XRCC2: variants seen among roughly 807,000 people sequenced by gnomAD.
XRCC2 encodes X-ray repair cross complementing 2, also known as DNA repair protein XRCC2.
Under a neutral mutation model 27.3 loss-of-function variants are expected in XRCC2, and 24 were observed. The observed-to-expected ratio is 0.88, with a 90% confidence interval of 0.64 to 1.24. XRCC2 has a LOEUF of 1.24. XRCC2 is among the 50% of genes most tolerant of loss of function. The pLI, the probability that XRCC2 is intolerant of heterozygous loss-of-function variation, is 0.00. For missense variants in XRCC2, 321 were observed against 325.8 expected, an observed-to-expected ratio of 0.99 and a Z score of 0.11; for synonymous variants, 106 against 115.4, an observed-to-expected ratio of 0.92 and a Z score of 0.52.
rs1563035233 is a variant in XRCC2 at position 152,674,704 on chromosome 7, T to TAA, written c.39+1336_39+1337insTT. Among the ~76,000 whole-genome samples, 81 of 93,468 alleles carry TAA rather than the reference T, an allele frequency of 8.7e-4. 8 individuals are homozygous for TAA. Among genetic ancestry groups the TAA allele is most frequent in the African/African-American group, 3.7e-3 (72 of 19,202 alleles). The allele number at this position is 93,468 out of a possible 152,430, so 61.3% of individuals were successfully genotyped here. On this transcript the variant is annotated intron_variant, in intron 1 of 2. Coordinates refer to ENST00000359321, the MANE Select transcript of XRCC2 (RefSeq NM_005431.2). Reference sequence around the variant, plus strand: ...TTATAAATATATTTTTAAATATATATTTATATAATATATTTTTAAATATAT... The same window carrying TAA: ...TTATAAATATATTTTTAAATATATATAATTATATAATATATTTTTAAATATAT...
Position 152,648,441 on chromosome 7 carries a change from C to A in XRCC2, c.*201G>T. 1 of 421,806 alleles carries A rather than the reference C, an allele frequency of 2.4e-6. No homozygotes were observed. The highest frequency in any genetic ancestry group is 8.5e-5 in the South Asian group (1 of 11,714). 26.1% of individuals were successfully genotyped at this position (421,806 alleles called of 1,614,324 possible). ...AAAAAAAAAAAAAGAAAACTTTTGG[C>A]CACGAGCAGTGGCTCACGCCTGTAA... On this transcript the variant is annotated 3_prime_UTR_variant, in exon 3 of 3. Transcript: ENST00000359321.
intron 1 of XRCC2, among the ~76,000 whole-genome samples, chr7:152,666,242 C>T (rs1381146141): frequency 2.0e-5 from 3 of 152,010 alleles, no homozygotes; most frequent in African/African-American, 4.8e-5. Context: ...CAGGGTCTTG[C>T]TTTGTCACCC....
At chr7:152,673,391 C>G (rs1210009627) in intron 1 of XRCC2, among the ~76,000 whole-genome samples, 6 of 152,018 alleles carry the variant, frequency 3.9e-5, no homozygotes, top group Admixed American at 3.9e-4. Context: ...TCTCTAACTC[C>G]TGACCTCAGG....
rs377318242 is a variant in XRCC2, at chr7:152,660,298, AT to A, written c.121+402del. On this transcript the variant is annotated intron_variant, in intron 2 of 2. Coordinates refer to ENST00000359321, the MANE Select transcript of XRCC2 (RefSeq NM_005431.2). ...AATTTTATCTCTATGAAGCCGCCAC[AT>A]TAAAAGAAAAAAAATCAACCTAAGC... Among the ~76,000 whole-genome samples the A allele has an allele frequency of 3.9e-3, 599 of 152,276 alleles. 5 individuals are homozygous for A. Among genetic ancestry groups the A allele is most frequent in the African/African-American group, 0.012 (482 of 41,558 alleles).
chr7:152,658,430 G>A (rs2098031675), intron 2 of XRCC2, among the ~76,000 whole-genome samples: 1 of 152,298 alleles, frequency 6.6e-6, no homozygotes, highest in East Asian at 1.9e-4. Flanking sequence ...GGGATTACAG[G>A]TGTGAGCCAC....
At chr7:152,664,318 G>C (rs1436013622) in intron 1 of XRCC2, among the ~76,000 whole-genome samples, 1 of 152,170 alleles carries the variant, frequency 6.6e-6, no homozygotes, top group Non-Finnish European at 1.5e-5. Flanking sequence ...GTGTCAACTA[G>C]ATTAAGTTAA....
At chr7:152,674,698 T>TATATTATATAAAA (rs1554413308) in intron 1 of XRCC2, among the ~76,000 whole-genome samples, 3 of 69,772 alleles carry the variant, frequency 4.3e-5, no homozygotes, top group Non-Finnish European at 7.2e-5. Flanking sequence ...TATTTTTAAA[T>TATATTATATAAAA]ATATATTTAT....
intron 1 of XRCC2, among the ~76,000 whole-genome samples, chr7:152,669,305 G>C (rs1208526703): frequency 6.6e-6 from 1 of 152,178 alleles, no homozygotes. Flanking sequence ...CATTCCTTTA[G>C]TTGAAACTTG....
At chr7:152,671,047 T>C (rs2098037967) in intron 1 of XRCC2, among the ~76,000 whole-genome samples, 1 of 152,028 alleles carries the variant, frequency 6.6e-6, no homozygotes, top group Non-Finnish European at 1.5e-5. Context: ...AAACCCCATC[T>C]CTACTAAAAA....
intron 2 of XRCC2, among the ~76,000 whole-genome samples, chr7:152,652,487 C>T (rs3218519): frequency 0.013 from 2,019 of 152,286 alleles, 43 homozygotes; most frequent in African/African-American, 0.046. Context: ...CACAGCTACT[C>T]ACCTTTCTAG....
intron 1 of XRCC2, among the ~76,000 whole-genome samples, chr7:152,663,189 G>T (rs919581460): frequency 1.6e-4 from 25 of 151,854 alleles, no homozygotes; most frequent in Non-Finnish European, 2.9e-4. Flanking sequence ...GATGTTATTT[G>T]CCTAGTTTGA....
At chr7:152,659,748 G>A (rs1208767979) in intron 2 of XRCC2, among the ~76,000 whole-genome samples, 1 of 151,552 alleles carries the variant, frequency 6.6e-6, no homozygotes, top group Admixed American at 6.6e-5. Context: ...TTTCTCAAAA[G>A]GTTAAATGTA....
At chr7:152,668,547 G>A (rs2098036884) in intron 1 of XRCC2, among the ~76,000 whole-genome samples, 1 of 140,404 alleles carries the variant, frequency 7.1e-6, no homozygotes, top group South Asian at 2.4e-4. Context: ...AGGGTAAAGG[G>A]AACCCAAGTA....
Position 152,660,717 on chromosome 7 carries a change from T to C in XRCC2, c.105A>G (p.Glu35=). Residue 35 remains glutamate (E), a synonymous_variant, in exon 2 of 3, where the codon GAA becomes GAG. Coordinates refer to ENST00000359321, the MANE Select transcript of XRCC2 (RefSeq NM_005431.2). The part of the protein sequence containing the change: ...KEIEPNLFAD[E]DSPVHGDILE... Reference sequence around the variant, plus strand: ...ATTTTTTACCATGCACAGGTGAATCTTCATCAGCAAACAGATTTGGTTCTA... The same window carrying C: ...ATTTTTTACCATGCACAGGTGAATCCTCATCAGCAAACAGATTTGGTTCTA... 6.2e-7 allele frequency: 1 copy of C among 1,613,332 alleles called. No individual in the cohort carries two copies. Among genetic ancestry groups the C allele is most frequent in the African/African-American group, 1.3e-5 (1 of 75,038 alleles).
intron 1 of XRCC2, among the ~76,000 whole-genome samples, chr7:152,673,440 C>T (rs1416986624): frequency 3.9e-5 from 6 of 152,108 alleles, no homozygotes; most frequent in African/African-American, 1.2e-4. Context: ...GTTGGGATTA[C>T]GGGCATGAGC....
intron 2 of XRCC2, among the ~76,000 whole-genome samples, chr7:152,652,148 G>C (rs538139662): frequency 5.1e-4 from 77 of 150,094 alleles, no homozygotes; most frequent in Non-Finnish European, 9.3e-4. Flanking sequence ...AGACAACAGA[G>C]GGAGACCCTG....
chr7:152,665,831 T>C (rs2098035385), intron 1 of XRCC2, among the ~76,000 whole-genome samples: 1 of 152,140 alleles, frequency 6.6e-6, no homozygotes, highest in Non-Finnish European at 1.5e-5. Flanking sequence ...TTAGGAAAAC[T>C]ACTACTTGTC....
At chr7:152,657,150 C>G (rs769722233) in intron 2 of XRCC2, among the ~76,000 whole-genome samples, 68 of 150,150 alleles carry the variant, frequency 4.5e-4, no homozygotes, top group Non-Finnish European at 8.4e-4. Context: ...GCAGGAGAAT[C>G]ACTTGAACCC....
intron 1 of XRCC2, among the ~76,000 whole-genome samples, chr7:152,665,676 CTCA>C (rs2098035324): frequency 6.6e-6 from 1 of 151,726 alleles, no homozygotes; most frequent in Non-Finnish European, 1.5e-5. Flanking sequence ...GAGACAGGGT[CTCA>C]CTATGTTGCC....
Sources: allele counts gnomAD v4.1 joint callset (sites outside exome capture counted in the v4.1 genomes callset), GRCh38; gene constraint gnomAD v4.1.1; transcripts MANE v1.5; gene names NCBI Gene and HGNC (gene_info 2026-07-23, HGNC 2026-07-21).